ZNF208: variants seen among roughly 807,000 people sequenced by gnomAD.
ZNF208 encodes the protein zinc finger protein 95.
Under a neutral mutation model 12.1 loss-of-function variants are expected in ZNF208, and 10 were observed. The ratio of observed to expected loss-of-function variants is 0.83; its 90% CI spans 0.51 to 1.40. ZNF208 has a LOEUF of 1.40. Ranked by LOEUF, ZNF208 falls within the 40% of genes most tolerant of loss-of-function variation. The pLI is 0.00. For synonymous variants in ZNF208, 497 were observed against 488.4 expected, an observed-to-expected ratio of 1.02 and a Z score of -0.23; for missense variants, 1,652 against 1,485.0, an observed-to-expected ratio of 1.11 and a Z score of -1.85.
At chr19:21,989,939 T>C (rs1402958550) in intron 1 of ZNF208, among the ~76,000 whole-genome samples, 1 of 152,228 alleles carries the variant, frequency 6.6e-6, no homozygotes, top group East Asian at 1.9e-4. Flanking sequence ...TGTTTGTTTT[T>C]TTCTTGTAAA....
chr19:21,982,858 T>C (rs533070964), intron 3 of ZNF208, among the ~76,000 whole-genome samples: 78 of 152,068 alleles, frequency 5.1e-4, no homozygotes, highest in Non-Finnish European at 8.4e-4. Flanking sequence ...TATACAAAAA[T>C]TAACTCAAGA....
chr19:21,966,383 T>C lies in ZNF208; in HGVS notation c.*4808A>G, dbSNP rs1262083254. 1.3e-5 allele frequency: 2 copies of C among 152,246 alleles called. No individual in the cohort carries two copies. The highest frequency in any genetic ancestry group is 3.9e-4 in the East Asian group (2 of 5,184). The allele number at this position is 152,246 out of a possible 1,614,324, so 9.4% of individuals were successfully genotyped here. A position where few individuals can be genotyped will look rare whatever the true frequency, so the allele number is the denominator to read the frequency against. ...CATTTGTTTTTCTGATGCAATAATT[T>C]GCTTAGAATGGCCTGAAGCAGAGCT... On this transcript the variant is annotated 3_prime_UTR_variant, in exon 4 of 4. Transcript: ENST00000397126.
At chr19:21,990,192 T>C (rs947921980) in intron 1 of ZNF208, among the ~76,000 whole-genome samples, 3 of 152,160 alleles carry the variant, frequency 2.0e-5, no homozygotes, top group African/African-American at 7.2e-5. Context: ...GCCCAGGTTT[T>C]CTTCTAGGGT....
chr19:21,988,664 T>C (rs1970667840), intron 2 of ZNF208, 119 bp downstream of exon 2: 2 of 1,585,552 alleles, frequency 1.3e-6, no homozygotes, highest in East Asian at 2.2e-5. Context: ...CTTCCAAATA[T>C]ACTCTTTTGT....
In ZNF208 at chr19:22,010,935, A is replaced by G. The variant is rs1332696403; in HGVS notation, c.-141T>C. 1 of 1,295,440 alleles carries G rather than the reference A, an allele frequency of 7.7e-7. No individual in the cohort carries two copies. Among genetic ancestry groups the G allele is most frequent in the Non-Finnish European group, 1.1e-6 (1 of 905,510 alleles). 80.2% of individuals were successfully genotyped at this position (1,295,440 alleles called of 1,614,324 possible). A position where few individuals can be genotyped will look rare whatever the true frequency, so the allele number is the denominator to read the frequency against. ...GACCTTGACCTCCGGCTGCAGCGAG[A>G]GACAAAGGACCGACCACATCCCGGA... On this transcript the variant is annotated 5_prime_UTR_variant, in exon 1 of 4. Coordinates refer to ENST00000397126, the MANE Select transcript of ZNF208 (RefSeq NM_007153.3).
rs955256802 is a variant in ZNF208, at chr19:21,957,839, TTTA to T, written c.305+16887_305+16889del. On this transcript the variant is annotated intron_variant, in intron 4 of 4. Transcript: ENST00000599916. ...TTTTTTAAATTTTATTTTATTTTAT[TTTA>T]TTATTATTATACTTTAAGTTTTAGG... is the stretch of plus-strand genomic sequence containing the variant. Among the ~76,000 whole-genome samples the T allele has an allele frequency of 7.7e-3, 1,168 of 151,862 alleles. 8 individuals are homozygous for T. Among genetic ancestry groups the T allele is most frequent in the African/African-American group, 0.026 (1,094 of 41,430 alleles).
Position 21,972,716 on chromosome 19 carries a change from A to G in ZNF208, c.2318T>C (p.Val773Ala). Residue 773 changes from valine (V) to alanine (A), a missense_variant, in exon 4 of 4, where the codon GTA becomes GCA. This residue lies in a region of ZNF208 where 1,239 missense variants were observed against 1,086.2 expected (regional missense o/e 1.14). Transcript: ENST00000397126. Reference sequence around the variant, plus strand: ...TTCTTCACATTTGTAGGGTTTCTCTACAGTATGAATTTTCTTATGATAACT... The same window carrying G: ...TTCTTCACATTTGTAGGGTTTCTCTGCAGTATGAATTTTCTTATGATAACT... ...TLSYHKKIHT[V>A]EKPYKCEECG... 1 of 1,565,734 alleles carries G rather than the reference A, an allele frequency of 6.4e-7. No individual in the cohort carries two copies. The highest frequency in any genetic ancestry group is 8.6e-7 in the Non-Finnish European group (1 of 1,157,274).
intron 1 of ZNF208, among the ~76,000 whole-genome samples, chr19:22,004,377 A>G (rs1233198058): frequency 1.3e-5 from 2 of 151,820 alleles, no homozygotes; most frequent in African/African-American, 2.4e-5. Context: ...TTAGCTGAGT[A>G]TGGTGGCACA....
chr19:21,967,689 A>G lies in ZNF208; in HGVS notation c.*3502T>C, dbSNP rs1246155526. 1 of 152,022 alleles carries G rather than the reference A, an allele frequency of 6.6e-6. No individual in the cohort carries two copies. The highest frequency in any genetic ancestry group is 1.5e-5 in the Non-Finnish European group (1 of 67,984). The allele number at this position is 152,022 out of a possible 1,614,324, so 9.4% of individuals were successfully genotyped here. A position where few individuals can be genotyped will look rare whatever the true frequency, so the allele number is the denominator to read the frequency against. ...GCATGAGCCACCATGCTTGGCCCAG[A>G]TTTATTCTTTTAGTCTGAAGTTTTC... On this transcript the variant is annotated 3_prime_UTR_variant, in exon 4 of 4. Coordinates refer to ENST00000397126, the MANE Select transcript of ZNF208 (RefSeq NM_007153.3).
rs1241057296 is a variant in ZNF208 at position 21,972,644 on chromosome 19, C to T, written c.2390G>A (p.Arg797Lys). 1.2e-6 allele frequency: 2 copies of T among 1,610,850 alleles called. No individual in the cohort carries two copies. The highest frequency in any genetic ancestry group is 1.3e-5 in the African/African-American group (1 of 74,108). ...GTAGGGTTTCTCATCAGTATGAATTCTCTTATGTTTAATAAGGATTGCAGA... is the reference window on the plus strand; with the variant it reads ...GTAGGGTTTCTCATCAGTATGAATTTTCTTATGTTTAATAAGGATTGCAGA... ...NRSAILIKHK[R>K]IHTDEKPYKC... The change falls in exon 4 of 4, where the codon AGA (arginine) becomes AAA (lysine). Residue 797 changes from arginine to lysine, a missense_variant. By Grantham distance (26) the Arg-to-Lys change is conservative. This residue lies in a region of ZNF208 where 1,239 missense variants were observed against 1,086.2 expected (regional missense o/e 1.14). Transcript: ENST00000397126.
rs2145536030 is a variant in ZNF208, at chr19:21,966,298, T to A, written c.*4893A>T. The A allele has an allele frequency of 1.3e-5, 2 of 152,166 alleles. No individual in the cohort carries two copies. Among genetic ancestry groups the A allele is most frequent in the Admixed American group, 1.3e-4 (2 of 15,230 alleles). The allele number at this position is 152,166 out of a possible 1,614,324, so 9.4% of individuals were successfully genotyped here. On this transcript the variant is annotated 3_prime_UTR_variant, in exon 4 of 4. Coordinates refer to ENST00000397126, the MANE Select transcript of ZNF208 (RefSeq NM_007153.3). ...TTAGAATTCTCAGTGTTTATTGTTTTCATCTTTGTTTCCATGTGCGCCCAA... is the reference window on the plus strand; with the variant it reads ...TTAGAATTCTCAGTGTTTATTGTTTACATCTTTGTTTCCATGTGCGCCCAA...
At chr19:21,943,725 G>A (rs1488480699) in intron 4 of ZNF208, among the ~76,000 whole-genome samples, 1 of 152,096 alleles carries the variant, frequency 6.6e-6, no homozygotes, top group East Asian at 1.9e-4. Context: ...GCAATTGCCT[G>A]GGGGACCTCA....
downstream of ZNF208, among the ~76,000 whole-genome samples, chr19:21,962,930 G>C (rs576416916): frequency 6.6e-6 from 1 of 152,108 alleles, no homozygotes; most frequent in South Asian, 2.1e-4. Context: ...TTTGTCAATA[G>C]AAACAATAAT....
chr19:21,970,686 T>TTAA lies in ZNF208; in HGVS notation c.*504_*505insTTA. ...TGAAGCCTTTGCCACATTCTTCTCA[T>TTAA]TTGTAGAGTTTCTCTCCAGCATGAA... On this transcript the variant is annotated 3_prime_UTR_variant, in exon 4 of 4. Coordinates refer to ENST00000397126, the MANE Select transcript of ZNF208 (RefSeq NM_007153.3). The TTAA allele has an allele frequency of 8.9e-7, 1 of 1,128,884 alleles. No individual in the cohort carries two copies. The highest frequency in any genetic ancestry group is 1.3e-6 in the Non-Finnish European group (1 of 752,934). 69.9% of individuals were successfully genotyped at this position (1,128,884 alleles called of 1,614,324 possible).
rs755642487 is a variant in ZNF208 at position 21,970,619 on chromosome 19, C to T, written c.*572G>A. The T allele has an allele frequency of 7.9e-5, 74 of 941,716 alleles. No individual in the cohort carries two copies. The highest frequency in any genetic ancestry group is 5.8e-4 in the South Asian group (45 of 77,064). 58.3% of individuals were successfully genotyped at this position (941,716 alleles called of 1,614,324 possible). On this transcript the variant is annotated 3_prime_UTR_variant, in exon 4 of 4. Transcript: ENST00000397126. The stretch of plus-strand genomic sequence containing the variant: ...TCTTCACATTTGTAGGGCTTCTCAC[C>T]AGTATGAATTCTCTTATGTTCCATA...
intron 4 of ZNF208, among the ~76,000 whole-genome samples, chr19:21,942,231 T>C (rs1252903638): frequency 6.6e-6 from 1 of 152,134 alleles, no homozygotes; most frequent in Admixed American, 6.5e-5. Flanking sequence ...TAATAAATAT[T>C]CACAAATATT....
Position 21,970,077 on chromosome 19 carries a change from C to A in ZNF208, c.*1114G>T, listed in dbSNP as rs1304749759. Among the ~76,000 whole-genome samples, 1 of 152,156 alleles carries A rather than the reference C, an allele frequency of 6.6e-6. No individual in the cohort carries two copies. Among genetic ancestry groups the A allele is most frequent in the African/African-American group, 2.4e-5 (1 of 41,438 alleles). On this transcript the variant is annotated 3_prime_UTR_variant, in exon 4 of 4. Coordinates refer to ENST00000397126, the MANE Select transcript of ZNF208 (RefSeq NM_007153.3). ...ATCAAGTGTGACAGCCACTTAAAGG[C>A]TTTGTCATATTCTTCACTTTTCTAG...
chr19:21,945,553 T>C (rs1969803361), intron 4 of ZNF208, among the ~76,000 whole-genome samples: 3 of 152,228 alleles, frequency 2.0e-5, no homozygotes, highest in Admixed American at 2.0e-4. Context: ...TAATTTATCA[T>C]AAAAGCATGT....
chr19:21,958,797 C>A (rs1257223358), intron 4 of ZNF208, among the ~76,000 whole-genome samples: 1 of 152,076 alleles, frequency 6.6e-6, no homozygotes, highest in Non-Finnish European at 1.5e-5. Context: ...GCCTATTCTC[C>A]CTAACAGCAG....
Sources: allele counts gnomAD v4.1 joint callset (sites outside exome capture counted in the v4.1 genomes callset), GRCh38; gene constraint gnomAD v4.1.1; regional missense constraint gnomAD v4.1.1; transcripts MANE v1.5; gene names NCBI Gene and HGNC (gene_info 2026-07-23, HGNC 2026-07-21).